The following SLC38A4 variants were observed in gnomAD, a reference collection of about 807,000 sequenced individuals.
SLC38A4 encodes solute carrier family 38 member 4, also known as sodium-coupled neutral amino acid transporter 4.
In SLC38A4, 20 loss-of-function variants were observed where a neutral mutation model predicts 63.1. The observed-to-expected ratio is 0.32, with a 90% CI of 0.22 to 0.46. The LOEUF (loss-of-function observed/expected upper bound fraction) is 0.46, where lower values mean the gene tolerates loss of function less well. Among genes scored for constraint, SLC38A4 ranks in the 20% least tolerant of loss-of-function variants. The pLI, the probability that SLC38A4 is intolerant of heterozygous loss-of-function variation, is 1.00. For synonymous variants in SLC38A4, 230 were observed against 225.5 expected (o/e 1.02, Z -0.18); for missense variants, 526 against 663.6 (o/e 0.79, Z 2.28).
At chr12:46,775,959 C>T (rs553558133) in intron 13 of SLC38A4, among the ~76,000 whole-genome samples, 9 of 151,846 alleles carry the variant, frequency 5.9e-5, no homozygotes, top group South Asian at 2.1e-4. Context: ...ATTTCACAAC[C>T]GGCAAAAAGT....
chr12:46,813,224 T>C (rs1939374369), intron 1 of SLC38A4, among the ~76,000 whole-genome samples: 1 of 152,046 alleles, frequency 6.6e-6, no homozygotes, highest in South Asian at 2.1e-4. Flanking sequence ...ATTAATTTAT[T>C]AATTATATGT....
chr12:46,765,746 T>C lies in SLC38A4; in HGVS notation c.*955A>G. 5.9e-6 allele frequency: 1 copy of C among 169,322 alleles called. No individual in the cohort carries two copies. The highest frequency in any genetic ancestry group is 1.3e-5 in the Non-Finnish European group (1 of 77,848). The allele number at this position is 169,322 out of a possible 1,614,324, so 10.5% of individuals were successfully genotyped here. On this transcript the variant is annotated 3_prime_UTR_variant, in exon 17 of 17. Coordinates refer to ENST00000266579, the MANE Select transcript of SLC38A4 (RefSeq NM_018018.5). ...TTCTGATGACTACAGAATAAGATTA[T>C]ATACATAAACATATAGCAAATCACA...
chr12:46,769,554 C>A, intron 14 of SLC38A4, 126 bp from the exon 15 acceptor site: 1 of 1,050,972 alleles, frequency 9.5e-7, no homozygotes, highest in Admixed American at 2.5e-5. Flanking sequence ...GATGTTGATG[C>A]TTTTTTCAAT....
chr12:46,767,134 G>A (rs1938317584), intron 16 of SLC38A4, among the ~76,000 whole-genome samples: 1 of 151,884 alleles, frequency 6.6e-6, no homozygotes. Context: ...TCTTTTAGGT[G>A]AAAAAGAGCA....
At chr12:46,800,590 G>T (rs1462317866) in intron 2 of SLC38A4, among the ~76,000 whole-genome samples, 2 of 151,914 alleles carry the variant, frequency 1.3e-5, no homozygotes, top group Non-Finnish European at 2.9e-5. Context: ...GTCCTGCTCT[G>T]ACCCCACATT....
At chr12:46,804,529 A>G (rs1939192045) in intron 1 of SLC38A4, among the ~76,000 whole-genome samples, 1 of 152,048 alleles carries the variant, frequency 6.6e-6, no homozygotes, top group Non-Finnish European at 1.5e-5. Context: ...ACATGAATGA[A>G]CAATCTAATA....
upstream of SLC38A4, among the ~76,000 whole-genome samples, chr12:46,826,261 A>T (rs546952882): frequency 6.6e-6 from 1 of 152,322 alleles, no homozygotes; most frequent in East Asian, 1.9e-4. Flanking sequence ...TGAATAAATG[A>T]CGCAAGGCAA....
intron 3 of SLC38A4, among the ~76,000 whole-genome samples, chr12:46,791,276 T>C (rs1021567358): frequency 3.3e-5 from 5 of 152,204 alleles, no homozygotes; most frequent in African/African-American, 1.2e-4. Context: ...TGGTTTGCCA[T>C]TTTACATTTT....
chr12:46,823,187 A>C (rs1469284372), intron 1 of SLC38A4, among the ~76,000 whole-genome samples: 1 of 152,168 alleles, frequency 6.6e-6, no homozygotes, highest in Admixed American at 6.5e-5. Context: ...ATAAGTAAAC[A>C]GTATAAGAGC....
intron 1 of SLC38A4, among the ~76,000 whole-genome samples, chr12:46,824,064 T>A (rs933564554): frequency 6.6e-6 from 1 of 152,192 alleles, no homozygotes; most frequent in African/African-American, 2.4e-5. Context: ...TGTTTTGGGC[T>A]CTGGGTGACC....
chr12:46,814,217 T>C (rs961786727), intron 1 of SLC38A4, among the ~76,000 whole-genome samples: 3 of 152,000 alleles, frequency 2.0e-5, no homozygotes, highest in African/African-American at 4.8e-5. Context: ...GTATTGTTAC[T>C]GTGTATTAGA....
rs1289441839 is a variant in SLC38A4 at position 46,769,337 on chromosome 12, T to C, written c.1391A>G (p.Asn464Ser). 1.9e-6 allele frequency: 3 copies of C among 1,613,444 alleles called. No homozygotes were observed. The highest frequency in any genetic ancestry group is 2.5e-6 in the Non-Finnish European group (3 of 1,179,564). ...FLIAAVLIALNNVLVILVPTI... is the reference protein window; with the variant it reads ...FLIAAVLIALSNVLVILVPTI... ...TGGCACAAGGATGACCAGAACATTA[T>C]TAAGTGCAATAAGCACAGCTGCAAT... Residue 464 changes from asparagine to serine, a missense_variant, in exon 15 of 17, where the codon AAT becomes AGT. By Grantham distance (46) the Asn-to-Ser change is conservative (BLOSUM62 1). Coordinates refer to ENST00000266579, the MANE Select transcript of SLC38A4 (RefSeq NM_018018.5).
rs1436660807 is a variant in SLC38A4 at position 46,768,383 on chromosome 12, A to T, written c.1469T>A (p.Ile490Asn). The T allele has an allele frequency of 6.2e-7, 1 of 1,611,114 alleles. No homozygotes were observed. Among genetic ancestry groups the T allele is most frequent in the East Asian group, 2.2e-5 (1 of 44,754 alleles). Residue 490 changes from isoleucine to asparagine, a missense_variant, in exon 16 of 17, where the codon ATT becomes AAT. Ile to Asn is a moderately radical substitution (Grantham distance 149). Coordinates refer to ENST00000266579, the MANE Select transcript of SLC38A4 (RefSeq NM_018018.5). The stretch of plus-strand genomic sequence containing the variant: ...ATAAAAAACTGCTGGAAGAATAAAA[A>T]TCAGCATAGTGGCAGAAGAAGCCCC... ...FIGASSATML[I>N]FILPAVFYLK...
At chr12:46,787,884 A>C (rs749686661) in intron 5 of SLC38A4, 32 bp downstream of exon 5, 8 of 1,516,958 alleles carry the variant, frequency 5.3e-6, no homozygotes, top group Non-Finnish European at 6.4e-6. Flanking sequence ...CATGGACTTC[A>C]TCACCAAATG....
At chr12:46,773,927 C>G (rs1468556841) in intron 14 of SLC38A4, among the ~76,000 whole-genome samples, 2 of 151,974 alleles carry the variant, frequency 1.3e-5, no homozygotes, top group Non-Finnish European at 2.9e-5. Context: ...AAGAAGGGCT[C>G]CAGATATCCT....
intron 2 of SLC38A4, among the ~76,000 whole-genome samples, chr12:46,796,527 C>T (rs1939008797): frequency 6.6e-6 from 1 of 152,086 alleles, no homozygotes. Context: ...ATTGTGTGGG[C>T]CCATTTCACT....
intron 1 of SLC38A4, among the ~76,000 whole-genome samples, chr12:46,819,805 T>C (rs940079456): frequency 2.6e-5 from 4 of 151,968 alleles, no homozygotes; most frequent in African/African-American, 9.7e-5. Flanking sequence ...TTGGAACTAC[T>C]ACACATAGTT....
At chr12:46,818,636 A>G (rs190160812) in intron 1 of SLC38A4, among the ~76,000 whole-genome samples, 5 of 152,020 alleles carry the variant, frequency 3.3e-5, no homozygotes, top group African/African-American at 9.6e-5. Context: ...ACTGTGGCCA[A>G]TCATTACATC....
At chr12:46,790,733 T>A (rs995779355) in intron 3 of SLC38A4, among the ~76,000 whole-genome samples, 1 of 151,492 alleles carries the variant, frequency 6.6e-6, no homozygotes, top group South Asian at 2.1e-4. Flanking sequence ...TCATTTAACA[T>A]GCCAAGATTG....
Sources: gnomAD v4.1 joint callset for allele counts (sites outside exome capture counted in the v4.1 genomes callset) on GRCh38, gnomAD v4.1.1 for gene constraint, MANE v1.5 for transcripts, NCBI Gene and HGNC (gene_info 2026-07-23, HGNC 2026-07-21) for gene names.